Variants in TRPM7 observed in about 807,000 individuals in gnomAD.
TRPM7 encodes transient receptor potential cation channel subfamily M member 7.
A neutral mutation model predicts 229.7 loss-of-function variants in TRPM7; 134 were observed. The ratio of observed to expected loss-of-function variants is 0.58; its 90% confidence interval spans 0.51 to 0.67. The LOEUF (loss-of-function observed/expected upper bound fraction) is 0.67. Ranked by LOEUF, TRPM7 falls within the 30% of genes least tolerant of loss-of-function variation. The probability of loss-of-function intolerance (pLI) is 0.00; values close to 1 mark genes in which losing one functional copy is unlikely to be tolerated. For synonymous variants in TRPM7, 699 were observed against 715.2 expected (o/e 0.98, Z 0.36); for missense variants, 1,901 against 2,210.0 (o/e 0.86, Z 2.80).
intron 3 of TRPM7, among the ~76,000 whole-genome samples, chr15:50,655,555 G>A (rs1170541787): frequency 1.3e-5 from 2 of 151,644 alleles, no homozygotes; most frequent in African/African-American, 4.8e-5. Context: ...TTATAGACAT[G>A]CTGCTGAAAA....
At chr15:50,650,192 C>CAAAAAAAAAAA (rs59579538) in intron 3 of TRPM7, among the ~76,000 whole-genome samples, 2 of 62,302 alleles carry the variant, frequency 3.2e-5, no homozygotes, top group African/African-American at 1.4e-4. Flanking sequence ...GACTTTGTCT[C>CAAAAAAAAAAA]AAAAAAAAAA....
intron 3 of TRPM7, among the ~76,000 whole-genome samples, chr15:50,656,499 C>CTTTT (rs75557468): frequency 6.0e-5 from 8 of 133,510 alleles, no homozygotes; most frequent in African/African-American, 2.2e-4. Context: ...GTGTGGTTTT[C>CTTTT]TTTTTTTTTT....
intron 38 of TRPM7, among the ~76,000 whole-genome samples, chr15:50,562,334 T>C (rs992596008): frequency 6.6e-6 from 1 of 152,180 alleles, no homozygotes. Flanking sequence ...AATTACATAT[T>C]GACCATGAGT....
chr15:50,607,480 CTCT>C, intron 19 of TRPM7, 152 bp from the exon 20 acceptor site: 2 of 654,214 alleles, frequency 3.1e-6, no homozygotes, highest in South Asian at 4.9e-5. Context: ...TTAGAAATAT[CTCT>C]TCTTCAGCAC....
At position 50,609,690 on chromosome 15, in the gene TRPM7, T is replaced by C; in HGVS notation, c.2471A>G (p.Asn824Ser). ...TATCTCCATCTCATTCTTTCCTTCA[T>C]TACTATCCAAAATCCGTACTTCTTT... ...VFKEVRILDS[N>S]EGKNEMEIQM... Residue 824 changes from asparagine to serine, a missense_variant, in exon 19 of 39, where the codon AAT becomes AGT. Asn to Ser is a conservative substitution (Grantham distance 46). Coordinates refer to ENST00000646667, the MANE Select transcript of TRPM7 (RefSeq NM_017672.6). 6.2e-7 allele frequency: 1 copy of C among 1,606,272 alleles called. No individual in the cohort carries two copies. Among genetic ancestry groups the C allele is most frequent in the East Asian group, 2.2e-5 (1 of 44,746 alleles).
At chr15:50,663,133 C>CT (rs370350578) in intron 1 of TRPM7, 87 bp from the exon 2 acceptor site, 43,837 of 764,488 alleles carry the variant, frequency 0.057, no homozygotes, top group East Asian at 0.069. Context: ...ATAAACAGTT[C>CT]TTTTTTTTTT....
Position 50,681,264 on chromosome 15 carries a change from T to TACACACACACACAC in TRPM7, c.3+5253_3+5266dup, listed in dbSNP as rs72070923. On this transcript the variant is annotated intron_variant, in intron 1 of 38. Coordinates refer to ENST00000646667, the MANE Select transcript of TRPM7 (RefSeq NM_017672.6). ...AGACTTCGTCTCAAAAATAAATAAA[T>TACACACACACACAC]ACACACACACACACACACACACACA... Among the ~76,000 whole-genome samples the TACACACACACACAC allele has an allele frequency of 6.2e-3, 911 of 147,008 alleles. 13 individuals carry two copies. The highest frequency in any genetic ancestry group is 0.02 in the African/African-American group (786 of 38,980).
intron 19 of TRPM7, among the ~76,000 whole-genome samples, chr15:50,607,849 C>T (rs2059958515): frequency 6.9e-6 from 1 of 145,608 alleles, no homozygotes; most frequent in African/African-American, 2.6e-5. Flanking sequence ...GGGTTCGAAA[C>T]TAGCCTGGCC....
At chr15:50,646,886 T>C (rs144470975) in intron 4 of TRPM7, among the ~76,000 whole-genome samples, 2 of 152,316 alleles carry the variant, frequency 1.3e-5, no homozygotes, top group Non-Finnish European at 2.9e-5. Flanking sequence ...TGTTACACTG[T>C]TACACCTGCC....
At chr15:50,655,601 T>C (rs2061544811) in intron 3 of TRPM7, among the ~76,000 whole-genome samples, 1 of 151,790 alleles carries the variant, frequency 6.6e-6, no homozygotes, top group Non-Finnish European at 1.5e-5. Context: ...TTAAAGTAGC[T>C]AGAGAAGAAA....
intron 10 of TRPM7, among the ~76,000 whole-genome samples, chr15:50,630,151 C>T (rs74512202): frequency 0.02 from 3,081 of 152,052 alleles, 121 homozygotes; most frequent in African/African-American, 0.071. Flanking sequence ...TGTGAGCCAG[C>T]GCACGCAGCC....
intron 24 of TRPM7, 131 bp downstream of exon 24, chr15:50,594,298 G>C (rs2059582205): frequency 1.3e-6 from 1 of 782,222 alleles, no homozygotes; most frequent in East Asian, 2.6e-5. Flanking sequence ...TTTATGTACA[G>C]GCATATTTAA....
At chr15:50,607,393 A>T in intron 19 of TRPM7, 65 bp from the exon 20 acceptor site, 1 of 1,336,180 alleles carries the variant, frequency 7.5e-7, no homozygotes, top group Non-Finnish European at 1.0e-6. Context: ...AATTATGAAC[A>T]TTTTCAAACA....
chr15:50,583,022 G>A, intron 29 of TRPM7, 67 bp downstream of exon 29: 1 of 1,178,510 alleles, frequency 8.5e-7, no homozygotes, highest in South Asian at 1.8e-5. Flanking sequence ...TCACCACTTT[G>A]TAGATCTTAT....
chr15:50,564,248 A>AAAAATAAAATAAAAT lies in TRPM7; in HGVS notation c.5468-2455_5468-2441dup, dbSNP rs58216853. Among the ~76,000 whole-genome samples, 412 of 124,796 alleles carry AAAAATAAAATAAAAT rather than the reference A, an allele frequency of 3.3e-3. 12 individuals carry two copies. The highest frequency in any genetic ancestry group is 0.012 in the African/African-American group (364 of 29,342). The allele number at this position is 124,796 out of a possible 152,430, so 81.9% of individuals were successfully genotyped here. On this transcript the variant is annotated intron_variant, in intron 38 of 38. Coordinates refer to ENST00000646667, the MANE Select transcript of TRPM7 (RefSeq NM_017672.6). ...TGGGTGACAGAGTGAGACTGTCTCAAAAAATAAAATAAAATAAAATAAAAT... is the reference window on the plus strand; with the variant it reads ...TGGGTGACAGAGTGAGACTGTCTCAAAAAATAAAATAAAATAAAATAAAATAAAATAAAATAAAAT...
intron 3 of TRPM7, among the ~76,000 whole-genome samples, chr15:50,649,274 A>G (rs751085058): frequency 6.6e-5 from 10 of 152,050 alleles, no homozygotes; most frequent in Non-Finnish European, 1.5e-4. Flanking sequence ...CTGACTTGAC[A>G]AAAAATTTTA....
At chr15:50,593,821 G>T (rs909853659) in intron 24 of TRPM7, 72 bp from the exon 25 acceptor site, 1 of 1,451,924 alleles carries the variant, frequency 6.9e-7, no homozygotes. Context: ...TAATTCTTAC[G>T]AATTATTCAG....
At chr15:50,668,957 G>A (rs2061937100) in intron 1 of TRPM7, among the ~76,000 whole-genome samples, 1 of 152,176 alleles carries the variant, frequency 6.6e-6, no homozygotes, top group Non-Finnish European at 1.5e-5. Flanking sequence ...CCAATTAAAA[G>A]CTGCTTGGGA....
chr15:50,653,376 C>A (rs932125052), intron 3 of TRPM7, among the ~76,000 whole-genome samples: 1 of 152,172 alleles, frequency 6.6e-6, no homozygotes, highest in African/African-American at 2.4e-5. Context: ...ACTTCCTCAA[C>A]AGATAACATA....
Sources: gnomAD v4.1 joint callset for allele counts (sites outside exome capture counted in the v4.1 genomes callset) on GRCh38, gnomAD v4.1.1 for gene constraint, MANE v1.5 for transcripts, NCBI Gene and HGNC (gene_info 2026-07-23, HGNC 2026-07-21) for gene names.